The following NTRK2 variants were observed in gnomAD, a reference collection of about 807,000 sequenced individuals.
NTRK2 encodes the protein neurotrophic receptor tyrosine kinase 2.
A neutral mutation model predicts 94.5 loss-of-function variants in NTRK2; 13 were observed. The ratio of observed to expected loss-of-function variants is 0.14; its 90% CI spans 0.09 to 0.22. The LOEUF is 0.22. NTRK2 is among the 10% of genes least tolerant of loss of function. The pLI is 1.00. For missense variants in NTRK2, 639 were observed against 1,071.2 expected (o/e 0.60, Z 5.63); for synonymous variants, 372 against 407.4 (o/e 0.91, Z 1.05).
intron 13 of NTRK2, among the ~76,000 whole-genome samples, chr9:84,865,886 G>T (rs2075570852): frequency 6.6e-6 from 1 of 152,180 alleles, no homozygotes; most frequent in Non-Finnish European, 1.5e-5. Flanking sequence ...CGTCTTCGTT[G>T]GTTTGAAGCT....
intron 14 of NTRK2, among the ~76,000 whole-genome samples, chr9:84,896,377 G>A (rs1231203048): frequency 2.0e-5 from 3 of 152,180 alleles, no homozygotes; most frequent in Admixed American, 1.3e-4. Context: ...CTGGGGCTCA[G>A]GAGCATGAGG....
At chr9:84,861,656 T>C (rs1224070424) in intron 13 of NTRK2, among the ~76,000 whole-genome samples, 1 of 152,336 alleles carries the variant, frequency 6.6e-6, no homozygotes, top group Non-Finnish European at 1.5e-5. Flanking sequence ...ATGCAGATGA[T>C]GTAGCTCCTC....
At chr9:84,775,256 T>C (rs1350604330) in intron 12 of NTRK2, among the ~76,000 whole-genome samples, 3 of 152,232 alleles carry the variant, frequency 2.0e-5, no homozygotes, top group African/African-American at 7.2e-5. Context: ...GAGAATTGAA[T>C]CTGCTTTCCT....
chr9:84,904,898 T>C (rs187418218), intron 14 of NTRK2, among the ~76,000 whole-genome samples: 147 of 152,344 alleles, frequency 9.6e-4, no homozygotes, highest in African/African-American at 3.4e-3. Flanking sequence ...CAGCTTTTCT[T>C]CTCCTTTATA....
chr9:84,987,720 C>G (rs902739891), intron 17 of NTRK2, among the ~76,000 whole-genome samples: 2 of 152,136 alleles, frequency 1.3e-5, no homozygotes, highest in African/African-American at 2.4e-5. Context: ...GTTTTATTTA[C>G]TACCACTAAA....
At chr9:84,713,124 A>ATG (rs2061513857) in intron 6 of NTRK2, among the ~76,000 whole-genome samples, 1 of 152,114 alleles carries the variant, frequency 6.6e-6, no homozygotes, top group Non-Finnish European at 1.5e-5. Context: ...AACTGCTGTC[A>ATG]TGGCTTTTGA....
chr9:84,722,268 C>T (rs932932092), intron 6 of NTRK2, among the ~76,000 whole-genome samples: 1 of 150,830 alleles, frequency 6.6e-6, no homozygotes, highest in Admixed American at 6.6e-5. Flanking sequence ...TCACTAGCCC[C>T]TGAAAGCCAG....
At chr9:84,704,418 G>A (rs1036885626) in intron 4 of NTRK2, among the ~76,000 whole-genome samples, 12 of 151,224 alleles carry the variant, frequency 7.9e-5, no homozygotes, top group Non-Finnish European at 1.5e-4. Context: ...AGTAGAGATT[G>A]GGTTTCACCG....
chr9:84,844,629 A>G (rs2074364647), intron 12 of NTRK2, among the ~76,000 whole-genome samples: 1 of 148,490 alleles, frequency 6.7e-6, no homozygotes, highest in Non-Finnish European at 1.5e-5. Context: ...GCAAATGAAA[A>G]CTACAATGTA....
intron 2 of NTRK2, among the ~76,000 whole-genome samples, chr9:84,677,132 GCAGA>G (rs1564027452): frequency 1.3e-5 from 2 of 152,210 alleles, no homozygotes. Context: ...GAGGGGCAGA[GCAGA>G]CAGAGTGAAA....
chr9:84,825,599 T>A (rs2073135944), intron 12 of NTRK2, among the ~76,000 whole-genome samples: 1 of 152,188 alleles, frequency 6.6e-6, no homozygotes, highest in South Asian at 2.1e-4. Context: ...AAAAAAAGTC[T>A]GGCAAGTCAT....
intron 12 of NTRK2, among the ~76,000 whole-genome samples, chr9:84,805,176 T>G (rs1396159687): frequency 6.6e-6 from 1 of 152,234 alleles, no homozygotes; most frequent in East Asian, 1.9e-4. Flanking sequence ...TTGGCTTTCC[T>G]TACAAATTCC....
intron 14 of NTRK2, among the ~76,000 whole-genome samples, chr9:84,868,874 AC>A (rs931491275): frequency 4.6e-5 from 7 of 152,076 alleles, no homozygotes; most frequent in African/African-American, 1.7e-4. Context: ...CTCAGTCACC[AC>A]CCGAACCAGG....
chr9:84,861,626 GTTTGTAGCTTACCAAGTGAATGCAGA>G (rs1406318551), intron 13 of NTRK2, among the ~76,000 whole-genome samples: 1 of 152,164 alleles, frequency 6.6e-6, no homozygotes, highest in Non-Finnish European at 1.5e-5. Context: ...TTGAAAAGCA[GTTTGTAGCTTACCAAGTGAATGCAGA>G]TGATGTAGCT....
In NTRK2 at chr9:84,871,980, G is replaced by A. The variant is rs1652377033; in HGVS notation, c.1633+4549G>A. 3 of 1,555,682 alleles carry A rather than the reference G, an allele frequency of 1.9e-6. No individual in the cohort carries two copies. In the African/African-American group the frequency reaches 4.1e-5, roughly 21 times the overall value. On this transcript the variant is annotated intron_variant, in intron 14 of 18. Coordinates refer to ENST00000277120, the MANE Select transcript of NTRK2 (RefSeq NM_006180.6). ...CCATAACCTAGCCAAGCAAGAAGTT[G>A]CCTTTCCAAGACAAAGCAGTGTGCT...
At chr9:84,818,896 C>A (rs769423257) in intron 12 of NTRK2, among the ~76,000 whole-genome samples, 16 of 152,210 alleles carry the variant, frequency 1.1e-4, no homozygotes, top group Admixed American at 5.9e-4. Context: ...CTTTCGAACA[C>A]CCACAGGCAG....
In NTRK2 at chr9:84,670,781, C is replaced by T. The variant is rs2058650768; in HGVS notation, c.33C>T (p.Ala11=). The T allele has an allele frequency of 1.2e-6, 2 of 1,613,920 alleles. No individual in the cohort carries two copies. Among genetic ancestry groups the T allele is most frequent in the African/African-American group, 1.3e-5 (1 of 75,062 alleles). Residue 11 remains alanine, a synonymous_variant, in exon 2 of 19, where the codon GCC becomes GCT. Coordinates refer to ENST00000277120, the MANE Select transcript of NTRK2 (RefSeq NM_006180.6). ...CCTGGATAAGGTGGCATGGACCCGC[C>T]ATGGCGCGGCTCTGGGGCTTCTGCT... is the stretch of plus-strand genomic sequence containing the variant. The part of the protein sequence containing the change: MSSWIRWHGP[A]MARLWGFCWL...
At chr9:84,871,738 T>TG (rs1564413374) in intron 14 of NTRK2, 1 of 1,512,060 alleles carries the variant, frequency 6.6e-7, no homozygotes, top group African/African-American at 1.4e-5. Flanking sequence ...TGAACAGGGC[T>TG]GAATTCCTCC....
intron 14 of NTRK2, among the ~76,000 whole-genome samples, chr9:84,933,457 G>A (rs1341486274): frequency 6.6e-6 from 1 of 152,198 alleles, no homozygotes; most frequent in Non-Finnish European, 1.5e-5. Context: ...CAGACTGTAG[G>A]GAGGAACATT....
Sources: gnomAD v4.1 joint callset for allele counts (sites outside exome capture counted in the v4.1 genomes callset) on GRCh38, gnomAD v4.1.1 for gene constraint, MANE v1.5 for transcripts, NCBI Gene and HGNC (gene_info 2026-07-23, HGNC 2026-07-21) for gene names.